NRXN3: variants seen among roughly 807,000 people sequenced by gnomAD.
The protein encoded by NRXN3 is neurexin III.
In NRXN3, 32 loss-of-function variants were observed where a neutral mutation model predicts 137.6. The ratio of observed to expected loss-of-function variants is 0.23; its 90% CI spans 0.18 to 0.31. NRXN3 has a LOEUF of 0.31. NRXN3 is among the 10% of genes least tolerant of loss of function. The pLI is 1.00. For missense variants in NRXN3, 1,574 were observed against 2,062.5 expected, an observed-to-expected ratio of 0.76 and a Z score of 4.59; for synonymous variants, 798 against 784.5, an observed-to-expected ratio of 1.02 and a Z score of -0.29.
intron 4 of NRXN3, among the ~76,000 whole-genome samples, chr14:78,328,345 C>T (rs1248708529): frequency 6.6e-6 from 1 of 152,188 alleles, no homozygotes; most frequent in Non-Finnish European, 1.5e-5. Flanking sequence ...CTCAAGTACC[C>T]AGATGGTAAC....
intron 6 of NRXN3, chr14:78,698,380 G>C (rs1408285450): frequency 6.6e-6 from 1 of 151,964 alleles, no homozygotes; most frequent in African/African-American, 2.4e-5. Flanking sequence ...AAGCTGTTTG[G>C]CATGCCTATT....
At chr14:78,648,749 G>C (rs188647435) in intron 5 of NRXN3, among the ~76,000 whole-genome samples, 33 of 152,268 alleles carry the variant, frequency 2.2e-4, no homozygotes, top group Admixed American at 2.0e-3. Context: ...TGTAGTCATA[G>C]TCAGATGTGA....
intron 15 of NRXN3, among the ~76,000 whole-genome samples, chr14:79,331,213 T>G (rs2091637718): frequency 6.6e-6 from 1 of 151,768 alleles, no homozygotes; most frequent in African/African-American, 2.4e-5. Context: ...GTAAATGAGA[T>G]TTTTTTTTCT....
At chr14:79,372,584 A>T (rs1400374104) in intron 15 of NRXN3, among the ~76,000 whole-genome samples, 1 of 152,150 alleles carries the variant, frequency 6.6e-6, no homozygotes, top group East Asian at 1.9e-4. Context: ...TTAGAAAAAG[A>T]TCAGAGATAC....
intron 4 of NRXN3, among the ~76,000 whole-genome samples, chr14:78,483,032 T>C (rs895755443): frequency 6.6e-6 from 1 of 152,158 alleles, no homozygotes; most frequent in African/African-American, 2.4e-5. Context: ...CACTAGATTG[T>C]TTTTTTAAAT....
chr14:79,404,213 A>T (rs1294185245), intron 15 of NRXN3, among the ~76,000 whole-genome samples: 1 of 152,188 alleles, frequency 6.6e-6, no homozygotes, highest in East Asian at 1.9e-4. Context: ...CATCCAACAA[A>T]CGTCTAACAC....
At chr14:78,487,833 A>G (rs1431321997) in intron 4 of NRXN3, among the ~76,000 whole-genome samples, 1 of 152,150 alleles carries the variant, frequency 6.6e-6, no homozygotes, top group Non-Finnish European at 1.5e-5. Context: ...GACTCGGTAG[A>G]CATGGAATAT....
intron 5 of NRXN3, among the ~76,000 whole-genome samples, chr14:78,645,816 T>C (rs1452893300): frequency 6.6e-6 from 1 of 152,196 alleles, no homozygotes; most frequent in Admixed American, 6.5e-5. Flanking sequence ...CCTCATTCTT[T>C]GAATATATGT....
chr14:79,675,876 T>C (rs980613971), intron 17 of NRXN3, among the ~76,000 whole-genome samples: 7 of 152,098 alleles, frequency 4.6e-5, no homozygotes, highest in Non-Finnish European at 4.4e-5. Flanking sequence ...TAAGCCGTGG[T>C]GATTTAAATA....
intron 4 of NRXN3, among the ~76,000 whole-genome samples, chr14:78,554,020 G>T (rs969524343): frequency 1.9e-4 from 29 of 152,168 alleles, no homozygotes; most frequent in African/African-American, 6.5e-4. Context: ...GGAGATGAAG[G>T]GTGCACTCTG....
intron 19 of NRXN3, among the ~76,000 whole-genome samples, chr14:79,760,147 G>T (rs1284043710): frequency 6.6e-6 from 1 of 151,530 alleles, no homozygotes; most frequent in African/African-American, 2.4e-5. Context: ...AGGTAAAAAA[G>T]ACAAACAGTT....
intron 16 of NRXN3, among the ~76,000 whole-genome samples, chr14:79,653,592 G>GTTATT (rs1284042412): frequency 6.6e-6 from 1 of 152,126 alleles, no homozygotes; most frequent in Non-Finnish European, 1.5e-5. Flanking sequence ...TTCAAACAGT[G>GTTATT]TTATTTTGAG....
chr14:78,659,869 A>G (rs1211913273), intron 6 of NRXN3, among the ~76,000 whole-genome samples: 1 of 152,158 alleles, frequency 6.6e-6, no homozygotes. Context: ...GAGAGAAAGA[A>G]AGAGAGAAAT....
At chr14:78,630,627 C>T (rs1482998796) in intron 4 of NRXN3, among the ~76,000 whole-genome samples, 1 of 138,098 alleles carries the variant, frequency 7.2e-6, no homozygotes, top group Non-Finnish European at 1.5e-5. Flanking sequence ...GTTTTTGAGA[C>T]GGAGTCTCAT....
rs527645579 is a variant in NRXN3 at position 79,792,190 on chromosome 14, GAAAAA to G, written c.4015-12917_4015-12913del. Among the ~76,000 whole-genome samples the G allele has an allele frequency of 1.1e-3, 164 of 150,320 alleles. 2 individuals are homozygous for G. The highest frequency in any genetic ancestry group is 1.7e-3 in the African/African-American group (71 of 40,942). ...CTCTTTTTCAGCACCTCTCAAAACA[GAAAAA>G]AAAAGCAAGAAAAAGACTACAAGCT... On this transcript the variant is annotated intron_variant, in intron 19 of 20. Coordinates refer to ENST00000335750, the MANE Select transcript of NRXN3 (RefSeq NM_001330195.2).
At chr14:79,438,387 G>A (rs2095877271) in intron 15 of NRXN3, among the ~76,000 whole-genome samples, 1 of 152,184 alleles carries the variant, frequency 6.6e-6, no homozygotes, top group African/African-American at 2.4e-5. Context: ...GAGGAGGAAG[G>A]TGCCTTGTTT....
intron 4 of NRXN3, among the ~76,000 whole-genome samples, chr14:78,379,329 A>G (rs543544841): frequency 6.6e-6 from 1 of 152,286 alleles, no homozygotes; most frequent in East Asian, 1.9e-4. Flanking sequence ...ACTACATACC[A>G]ATGTCCTTCA....
intron 19 of NRXN3, among the ~76,000 whole-genome samples, chr14:79,715,179 T>G (rs999634972): frequency 6.6e-6 from 1 of 152,144 alleles, no homozygotes; most frequent in Non-Finnish European, 1.5e-5. Flanking sequence ...GGTCTCGATC[T>G]CCTGACCTCG....
chr14:78,979,863 A>G (rs1188420536), intron 14 of NRXN3, among the ~76,000 whole-genome samples: 2 of 152,124 alleles, frequency 1.3e-5, no homozygotes, highest in Admixed American at 6.5e-5. Context: ...CTTATTCACT[A>G]TCGTGAGAAC....
Sources: gnomAD v4.1 joint callset for allele counts (sites outside exome capture counted in the v4.1 genomes callset) on GRCh38, gnomAD v4.1.1 for gene constraint, MANE v1.5 for transcripts, NCBI Gene and HGNC (gene_info 2026-07-23, HGNC 2026-07-21) for gene names.